The following EMC2 variants were observed in gnomAD, a reference collection of about 807,000 sequenced individuals.
EMC2 encodes ER membrane protein complex subunit 2, also known as TPR repeat protein 35.
Under a neutral mutation model 51.6 loss-of-function variants are expected in EMC2, and 37 were observed. The observed-to-expected ratio is 0.72, with a 90% confidence interval of 0.55 to 0.94. The LOEUF is 0.94. Ranked by LOEUF, EMC2 falls within the 40% of genes least tolerant of loss-of-function variation. EMC2 has a pLI of 0.00. For missense variants in EMC2, 359 were observed against 350.9 expected (o/e 1.02, Z -0.18); for synonymous variants, 131 against 112.4 (o/e 1.17, Z -1.04).
intron 4 of EMC2, among the ~76,000 whole-genome samples, chr8:108,454,573 T>C (rs1346806644): frequency 6.6e-6 from 1 of 152,120 alleles, no homozygotes; most frequent in Non-Finnish European, 1.5e-5. Context: ...TCACCAAATA[T>C]ATTGTTGCTG....
intron 5 of EMC2, among the ~76,000 whole-genome samples, chr8:108,457,083 G>C (rs1819184695): frequency 6.6e-6 from 1 of 152,150 alleles, no homozygotes; most frequent in South Asian, 2.1e-4. Flanking sequence ...ACAGTAACTT[G>C]ATGTCTGTAG....
intron 5 of EMC2, among the ~76,000 whole-genome samples, chr8:108,456,625 G>A (rs1402659605): frequency 6.6e-6 from 1 of 151,932 alleles, no homozygotes; most frequent in African/African-American, 2.4e-5. Context: ...GTGTAATTTT[G>A]AACAAGTATA....
intron 5 of EMC2, among the ~76,000 whole-genome samples, chr8:108,463,675 C>G (rs1268824263): frequency 2.6e-5 from 4 of 151,650 alleles, no homozygotes; most frequent in African/African-American, 9.7e-5. Context: ...TCCTCTGTGC[C>G]AAGGGTAAAG....
intron 4 of EMC2, 48 bp from the exon 5 acceptor site, chr8:108,455,825 A>G (rs543401079): frequency 3.9e-5 from 27 of 683,552 alleles, no homozygotes; most frequent in African/African-American, 3.1e-4. Flanking sequence ...ATTTATCACT[A>G]TATTTTTAAG....
intron 5 of EMC2, among the ~76,000 whole-genome samples, chr8:108,458,851 A>G (rs1357472980): frequency 3.9e-5 from 6 of 152,182 alleles, no homozygotes; most frequent in Non-Finnish European, 8.8e-5. Context: ...TTCTCAGAAA[A>G]TGGGGTTTAC....
intron 3 of EMC2, among the ~76,000 whole-genome samples, chr8:108,452,731 G>T (rs1286714397): frequency 6.6e-6 from 1 of 152,172 alleles, no homozygotes; most frequent in Non-Finnish European, 1.5e-5. Context: ...AGGCGCTGTT[G>T]TCATTTAAGT....
chr8:108,458,222 C>G (rs1306688147), intron 5 of EMC2, among the ~76,000 whole-genome samples: 1 of 152,208 alleles, frequency 6.6e-6, no homozygotes, highest in Non-Finnish European at 1.5e-5. Context: ...CTTTCACAGG[C>G]TGGTGTTGAG....
At chr8:108,448,172 A>G (rs185012613) in intron 1 of EMC2, among the ~76,000 whole-genome samples, 35 of 152,320 alleles carry the variant, frequency 2.3e-4, no homozygotes, top group Admixed American at 1.2e-3. Flanking sequence ...GCAACTTTAT[A>G]TATATTTTAT....
chr8:108,449,416 G>A (rs1443886810), intron 1 of EMC2, among the ~76,000 whole-genome samples: 1 of 152,172 alleles, frequency 6.6e-6, no homozygotes, highest in Non-Finnish European at 1.5e-5. Context: ...GGGATTACAG[G>A]TGTGTGCCAC....
intron 5 of EMC2, among the ~76,000 whole-genome samples, chr8:108,466,564 AC>A (rs1389601419): frequency 6.8e-6 from 1 of 147,010 alleles, no homozygotes; most frequent in Non-Finnish European, 1.5e-5. Flanking sequence ...GCGATCTCCC[AC>A]CTCAGCTTCC....
intron 9 of EMC2, among the ~76,000 whole-genome samples, chr8:108,477,842 T>G (rs531012208): frequency 2.0e-4 from 30 of 152,230 alleles, no homozygotes; most frequent in African/African-American, 7.2e-4. Context: ...TGAGCTCTGT[T>G]TTTTATTTTA....
At chr8:108,453,733 C>T (rs991870259) in intron 4 of EMC2, among the ~76,000 whole-genome samples, 1 of 152,030 alleles carries the variant, frequency 6.6e-6, no homozygotes, top group South Asian at 2.1e-4. Flanking sequence ...TTCAGTACTT[C>T]TAGATAATTG....
intron 7 of EMC2, chr8:108,474,253 G>A (rs960467689): frequency 6.6e-6 from 1 of 151,814 alleles, no homozygotes; most frequent in Admixed American, 6.6e-5. Flanking sequence ...CCATTTAAAT[G>A]TCTAAGAACT....
intron 1 of EMC2, among the ~76,000 whole-genome samples, chr8:108,445,149 C>G (rs1818847571): frequency 6.6e-6 from 1 of 152,114 alleles, no homozygotes; most frequent in African/African-American, 2.4e-5. Context: ...TGTGGTCATT[C>G]TAAAGAGGAT....
intron 5 of EMC2, among the ~76,000 whole-genome samples, chr8:108,463,448 A>C (rs1399511633): frequency 1.3e-5 from 2 of 151,860 alleles, no homozygotes; most frequent in Non-Finnish European, 2.9e-5. Context: ...AATCTTCCTT[A>C]AGGGGAAAAA....
At chr8:108,472,991 G>A (rs958937894) in intron 7 of EMC2, among the ~76,000 whole-genome samples, 6 of 151,842 alleles carry the variant, frequency 4.0e-5, no homozygotes, top group Non-Finnish European at 8.8e-5. Context: ...TGGCACTACA[G>A]GTGTGTCACT....
At chr8:108,452,751 A>G (rs796069541) in intron 3 of EMC2, among the ~76,000 whole-genome samples, 32 of 152,274 alleles carry the variant, frequency 2.1e-4, no homozygotes, top group African/African-American at 7.7e-4. Context: ...TAGGGGCCTG[A>G]CACATTATAG....
rs373998414 is a variant in EMC2, at chr8:108,456,502, GA to G, written c.363+580del. 8.8e-4 allele frequency among the ~76,000 whole-genome samples: 133 copies of G among 151,732 alleles called. 1 individual carries two copies. In the East Asian group the frequency reaches 0.017, roughly 20 times the overall value. On this transcript the variant is annotated intron_variant, in intron 5 of 10. Coordinates refer to ENST00000220853, the MANE Select transcript of EMC2 (RefSeq NM_014673.5). ...GCAGTTACTTTTTAGTTGTCTTAAT[GA>G]AAAAAAAGCCATTTCAATAATTAGT...
intron 1 of EMC2, among the ~76,000 whole-genome samples, chr8:108,449,475 G>A (rs773914421): frequency 1.8e-4 from 28 of 152,254 alleles, no homozygotes; most frequent in African/African-American, 5.8e-4. Flanking sequence ...GTTTCGCCAC[G>A]TTGGCCAGGC....
Sources: allele counts gnomAD v4.1 joint callset (sites outside exome capture counted in the v4.1 genomes callset), GRCh38; gene constraint gnomAD v4.1.1; transcripts MANE v1.5; gene names NCBI Gene and HGNC (gene_info 2026-07-23, HGNC 2026-07-21).